The following DOCK8 variants were observed in gnomAD, a reference collection of about 807,000 sequenced individuals.
DOCK8 encodes the protein dedicator of cytokinesis protein 8.
A neutral mutation model predicts 245.6 loss-of-function variants in DOCK8; 141 were observed. That is an observed-to-expected ratio of 0.57 (90% confidence interval 0.50 to 0.66). DOCK8 has a LOEUF of 0.66. Ranked by LOEUF, DOCK8 falls within the 30% of genes least tolerant of loss-of-function variation. The pLI is 0.00. For synonymous variants in DOCK8, 1,168 were observed against 970.2 expected (o/e 1.20, Z -3.79); for missense variants, 2,965 against 2,603.4 (o/e 1.14, Z -3.02).
At chr9:348,175 G>T (rs2051996521) in intron 14 of DOCK8, among the ~76,000 whole-genome samples, 1 of 152,188 alleles carries the variant, frequency 6.6e-6, no homozygotes, top group Admixed American at 6.5e-5. Context: ...GGGGGACCAA[G>T]AGATGCATCC....
rs888727006 is a variant in DOCK8 at position 441,949 on chromosome 9, G to A, written c.5430G>A (p.Gln1810=). The stretch of plus-strand genomic sequence containing the variant: ...CCAAATTTGGGGATTTGGATGAACA[G>A]GAGTTTGTCTACAAAGAGCCTGCAA... ...FGSKFGDLDE[Q]EFVYKEPAIT... Residue 1810 remains glutamine, a synonymous_variant, in exon 42 of 48, where the codon CAG becomes CAA. Coordinates refer to ENST00000432829, the MANE Select transcript of DOCK8 (RefSeq NM_203447.4). 11 of 1,614,008 alleles carry A rather than the reference G, an allele frequency of 6.8e-6. No individual in the cohort carries two copies. Among genetic ancestry groups the A allele is most frequent in the Middle Eastern group, 1.6e-4 (1 of 6,082 alleles).
chr9:327,630 C>T (rs1230941357), intron 8 of DOCK8, among the ~76,000 whole-genome samples: 1 of 152,128 alleles, frequency 6.6e-6, no homozygotes, highest in East Asian at 1.9e-4. Flanking sequence ...CTCGTGAGCT[C>T]AAGCAATGTG....
In DOCK8 at chr9:253,210, T is replaced by G. The variant is rs75775281; in HGVS notation, c.54-18417T>G. Among the ~76,000 whole-genome samples the G allele has an allele frequency of 2.2e-3, 331 of 152,312 alleles. 3 individuals carry two copies. Among genetic ancestry groups the G allele is most frequent in the African/African-American group, 7.3e-3 (303 of 41,570 alleles). ...GAAATTAGGTGGATATAGATTAGTC[T>G]GATGTAGGAATATCACACTGTACTA... is the stretch of plus-strand genomic sequence containing the variant. On this transcript the variant is annotated intron_variant, in intron 1 of 47. Transcript: ENST00000432829.
intron 43 of DOCK8, among the ~76,000 whole-genome samples, chr9:446,091 G>A (rs922104426): frequency 6.6e-6 from 1 of 152,242 alleles, no homozygotes; most frequent in African/African-American, 2.4e-5. Context: ...CTCATACCAA[G>A]GCTTCCACTG....
intron 9 of DOCK8, among the ~76,000 whole-genome samples, chr9:330,400 G>C (rs1205116766): frequency 2.6e-5 from 4 of 152,148 alleles, no homozygotes; most frequent in Non-Finnish European, 5.9e-5. Context: ...CACTTTAGAA[G>C]TCTTGCAGAT....
rs137962615 is a variant in DOCK8, at chr9:454,907, CA to C, written c.6068+2792del. Among the ~76,000 whole-genome samples, 816 of 152,252 alleles carry C rather than the reference CA, an allele frequency of 5.4e-3. 3 individuals are homozygous for C. The highest frequency in any genetic ancestry group is 0.018 in the African/African-American group (758 of 41,554). Reference sequence around the variant, plus strand: ...AGTGCCCAGTAAAACTAGTCCCAGGCAAGAGATACAAGAGGAAATGGACTTT... The same window carrying C: ...AGTGCCCAGTAAAACTAGTCCCAGGCAGAGATACAAGAGGAAATGGACTTT... On this transcript the variant is annotated intron_variant, in intron 46 of 47. Coordinates refer to ENST00000432829, the MANE Select transcript of DOCK8 (RefSeq NM_203447.4).
intron 46 of DOCK8, chr9:454,181 G>A (rs574590655): frequency 6.6e-6 from 1 of 152,336 alleles, no homozygotes; most frequent in Non-Finnish European, 1.5e-5. Context: ...AAAGGCGCTA[G>A]TGGGGAAGAG....
intron 3 of DOCK8, 116 bp from the exon 4 acceptor site, chr9:289,394 T>A (rs758800951): frequency 8.6e-6 from 7 of 816,216 alleles, no homozygotes; most frequent in Non-Finnish European, 1.5e-5. Flanking sequence ...AAGAACATCC[T>A]AAGCATTCTC....
intron 4 of DOCK8, among the ~76,000 whole-genome samples, chr9:303,028 G>A (rs2130569129): frequency 6.6e-6 from 1 of 152,030 alleles, no homozygotes; most frequent in Admixed American, 6.5e-5. Context: ...GGGTATGGTG[G>A]CGTGTACCTA....
chr9:400,418 C>G (rs1171098560), intron 26 of DOCK8, among the ~76,000 whole-genome samples: 1 of 69,210 alleles, frequency 1.4e-5, no homozygotes, highest in Admixed American at 1.4e-4. Flanking sequence ...ACCACCACCA[C>G]CTCCACCATC....
chr9:279,946 T>G (rs1160260433), intron 2 of DOCK8, among the ~76,000 whole-genome samples: 1 of 152,224 alleles, frequency 6.6e-6, no homozygotes, highest in Non-Finnish European at 1.5e-5. Context: ...CTATCCTATT[T>G]GTGAAATATT....
intron 29 of DOCK8, among the ~76,000 whole-genome samples, chr9:415,810 C>A (rs2055977797): frequency 6.6e-6 from 1 of 152,152 alleles, no homozygotes. Flanking sequence ...GTGCTGGGAT[C>A]TGGGCAATGC....
chr9:322,430 G>T (rs2050550683), intron 7 of DOCK8, among the ~76,000 whole-genome samples: 1 of 151,092 alleles, frequency 6.6e-6, no homozygotes, highest in African/African-American at 2.4e-5. Flanking sequence ...CACGGAAAAA[G>T]CCCAGGTTCT....
At chr9:459,523 A>C (rs914217746) in intron 46 of DOCK8, among the ~76,000 whole-genome samples, 9 of 152,198 alleles carry the variant, frequency 5.9e-5, no homozygotes, top group African/African-American at 2.2e-4. Context: ...TGTGGTACAT[A>C]ATAATTTTTG....
intron 14 of DOCK8, among the ~76,000 whole-genome samples, chr9:343,775 A>G (rs2051726927): frequency 6.6e-6 from 1 of 152,318 alleles, no homozygotes; most frequent in South Asian, 2.1e-4. Context: ...GATGCTTTGT[A>G]TCTTTTTAGA....
chr9:369,431 T>G (rs543750521), intron 15 of DOCK8: 1 of 152,380 alleles, frequency 6.6e-6, no homozygotes, highest in South Asian at 2.1e-4. Context: ...GAAAGAGCTT[T>G]TTTTCTCTGC....
intron 5 of DOCK8, 122 bp from the exon 6 acceptor site, chr9:311,832 C>G (rs1231318691): frequency 1.6e-6 from 2 of 1,222,430 alleles, no homozygotes; most frequent in Admixed American, 3.4e-5. Context: ...CTTCAGAAGA[C>G]TTGAGGCCTG....
chr9:429,905 T>C, intron 36 of DOCK8, 51 bp downstream of exon 36: 1 of 1,607,126 alleles, frequency 6.2e-7, no homozygotes, highest in Non-Finnish European at 8.5e-7. Flanking sequence ...GAAAAATTGA[T>C]GTAAAGCATC....
chr9:280,838 T>C (rs1309674835), intron 2 of DOCK8: 1 of 152,178 alleles, frequency 6.6e-6, no homozygotes, highest in Non-Finnish European at 1.5e-5. Flanking sequence ...GAAAACATAC[T>C]GGAAAGGAAT....
Sources: allele counts gnomAD v4.1 joint callset (sites outside exome capture counted in the v4.1 genomes callset), GRCh38; gene constraint gnomAD v4.1.1; transcripts MANE v1.5; gene names NCBI Gene and HGNC (gene_info 2026-07-23, HGNC 2026-07-21).